The following CHLSN variants were observed in gnomAD, a reference collection of about 807,000 sequenced individuals.
CHLSN encodes protein cholesin.
At chr7:985,396 C>G in the CHLSN span, 3 of 1,485,404 alleles carry the variant, frequency 2.0e-6, no homozygotes, top group Non-Finnish European at 2.7e-6. Flanking sequence ...AGGACGGGGG[C>G]CCCAGTGCTG....
the CHLSN span, among the ~76,000 whole-genome samples, chr7:1,109,655 G>A: frequency 2.0e-5 from 3 of 151,910 alleles, no homozygotes; most frequent in South Asian, 6.2e-4. Flanking sequence ...AGCCTTTCCC[G>A]CCCGCCGGGC....
chr7:1,078,266 C>T, the CHLSN span, among the ~76,000 whole-genome samples: 1 of 152,068 alleles, frequency 6.6e-6, no homozygotes, highest in Non-Finnish European at 1.5e-5. Context: ...ACAGCGGGTG[C>T]CCTATAGTGG....
At chr7:1,021,324 C>T in the CHLSN span, 23 of 964,504 alleles carry the variant, frequency 2.4e-5, no homozygotes, top group Non-Finnish European at 2.7e-5. Context: ...CTTTCTTCTT[C>T]CCCAGAAGCC....
chr7:1,040,766 T>G, the CHLSN span, among the ~76,000 whole-genome samples: 1 of 151,068 alleles, frequency 6.6e-6, no homozygotes, highest in African/African-American at 2.4e-5. Flanking sequence ...AAACCCTCAT[T>G]AAGAGGATGT....
At chr7:1,051,408 C>T in the CHLSN span, among the ~76,000 whole-genome samples, 1 of 152,236 alleles carries the variant, frequency 6.6e-6, no homozygotes, top group Admixed American at 6.5e-5. Flanking sequence ...TCCCGCACAG[C>T]GTGGGGAGCA....
At chr7:1,041,231 G>GCCGCGGGGAACGGGAC in the CHLSN span, among the ~76,000 whole-genome samples, 101 of 145,512 alleles carry the variant, frequency 6.9e-4, 7 homozygotes, top group Non-Finnish European at 1.1e-3. Context: ...TGGGCTCCGC[G>GCCGCGGGGAACGGGAC]CTGCGGGGAA....
chr7:1,082,484 A>T, the CHLSN span, among the ~76,000 whole-genome samples: 1 of 152,244 alleles, frequency 6.6e-6, no homozygotes, highest in Non-Finnish European at 1.5e-5. Context: ...ACTTAAAGAC[A>T]AAGTGAATGG....
chr7:1,023,672 CACACA>C, the CHLSN span, among the ~76,000 whole-genome samples: 6 of 104,648 alleles, frequency 5.7e-5, no homozygotes, highest in African/African-American at 2.0e-4. The surrounding 1 kb of genome is among the most constrained non-coding windows in gnomAD (Gnocchi z 5.0). Context: ...CACACACACA[CACACA>C]CCAGCAACGC....
chr7:1,052,572 G>C, the CHLSN span, among the ~76,000 whole-genome samples: 2 of 152,158 alleles, frequency 1.3e-5, no homozygotes, highest in Non-Finnish European at 2.9e-5. This position sits in a 1 kb window ranked among gnomAD's most constrained non-coding sequence, Gnocchi z 4.2. Flanking sequence ...GGACGGCCTG[G>C]CCTGGGAGGG....
chr7:1,105,129 T>C, the CHLSN span, among the ~76,000 whole-genome samples: 1 of 152,214 alleles, frequency 6.6e-6, no homozygotes, highest in African/African-American at 2.4e-5. Flanking sequence ...GTTACAATCC[T>C]GGGTAAAAGG....
At chr7:1,120,013 G>A in the CHLSN span, among the ~76,000 whole-genome samples, 1 of 151,624 alleles carries the variant, frequency 6.6e-6, no homozygotes, top group African/African-American at 2.4e-5. Context: ...TAAAAGAGAA[G>A]CACTTCTTTC....
the CHLSN span, chr7:1,021,458 C>T: frequency 7.4e-3 from 7,303 of 985,454 alleles, 29 homozygotes; most frequent in Middle Eastern, 0.01. Flanking sequence ...TAAGTCTGAT[C>T]GGCAGTGGTG....
chr7:1,080,404 A>G, the CHLSN span, among the ~76,000 whole-genome samples: 2 of 152,204 alleles, frequency 1.3e-5, no homozygotes, highest in South Asian at 4.1e-4. Context: ...CACCATCTCA[A>G]GCGCAGGAGG....
At chr7:1,018,475 G>A in the CHLSN span, among the ~76,000 whole-genome samples, 11 of 151,996 alleles carry the variant, frequency 7.2e-5, no homozygotes, top group Admixed American at 3.9e-4. Flanking sequence ...CGAGGGAGTC[G>A]TGATGGGCAC....
the CHLSN span, among the ~76,000 whole-genome samples, chr7:980,686 T>C: frequency 2.9e-5 from 1 of 34,548 alleles, no homozygotes; most frequent in East Asian, 1.9e-3. Flanking sequence ...AACAGTTACT[T>C]TTTTTTTTTT....
the CHLSN span, among the ~76,000 whole-genome samples, chr7:1,038,743 T>C: frequency 2.5e-3 from 212 of 83,614 alleles, no homozygotes; most frequent in Non-Finnish European, 2.7e-3. Flanking sequence ...CCGCCCCGTC[T>C]GGGAGGTGAG....
At chr7:1,014,788 GCCGGCCACGGCAGCGAT>G in the CHLSN span, among the ~76,000 whole-genome samples, 167 of 152,314 alleles carry the variant, frequency 1.1e-3, no homozygotes, top group Non-Finnish European at 2.2e-3. Flanking sequence ...CACATTGGCC[GCCGGCCACGGCAGCGAT>G]CCGGCCACGG....
chr7:998,457 C>CTTTTTTTTTTTTTTTTTTT, the CHLSN span, among the ~76,000 whole-genome samples: 1 of 95,012 alleles, frequency 1.1e-5, no homozygotes, highest in Non-Finnish European at 2.0e-5. Context: ...GTCTTAGATT[C>CTTTTTTTTTTTTTTTTTTT]TTTTTTTTTT....
chr7:1,031,910 CG>C, the CHLSN span, among the ~76,000 whole-genome samples: 1 of 152,140 alleles, frequency 6.6e-6, no homozygotes, highest in South Asian at 2.1e-4. Context: ...ACCCGGGGAA[CG>C]GGCCGAGAGT....
Sources: allele counts gnomAD v4.1 joint callset (sites outside exome capture counted in the v4.1 genomes callset), GRCh38; gene constraint gnomAD v4.1.1; non-coding constraint Gnocchi (gnomAD v3.1); transcripts MANE v1.5; gene names NCBI Gene and HGNC (gene_info 2026-07-23, HGNC 2026-07-21).